MARCHF3: variants seen among roughly 807,000 people sequenced by gnomAD.
The protein encoded by MARCHF3 is E3 ubiquitin-protein ligase MARCHF3.
MARCHF3 carries 13 observed loss-of-function variants against 24.2 expected under a neutral mutation model. The observed-to-expected ratio is 0.54, with a 90% confidence interval of 0.35 to 0.85. The LOEUF is 0.85. Among genes scored for constraint, MARCHF3 ranks in the 40% least tolerant of loss-of-function variants. The pLI is 0.01. For synonymous variants in MARCHF3, 144 were observed against 137.3 expected (o/e 1.05, Z -0.34); for missense variants, 276 against 325.0 (o/e 0.85, Z 1.16).
chr5:126,934,519 G>C (rs1405094177), intron 1 of MARCHF3, among the ~76,000 whole-genome samples: 4 of 151,772 alleles, frequency 2.6e-5, no homozygotes, highest in African/African-American at 7.3e-5. Context: ...GGTTATTTAG[G>C]AAAATTAAGA....
intron 3 of MARCHF3, among the ~76,000 whole-genome samples, chr5:126,895,864 T>A (rs1753872657): frequency 6.6e-6 from 1 of 152,154 alleles, no homozygotes; most frequent in Non-Finnish European, 1.5e-5. Flanking sequence ...CGGGCTGCTT[T>A]GTTTACCTAA....
chr5:127,027,447 T>C (rs1753037285), intron 1 of MARCHF3, among the ~76,000 whole-genome samples: 1 of 152,140 alleles, frequency 6.6e-6, no homozygotes, highest in Non-Finnish European at 1.5e-5. Context: ...AAGATAAGGA[T>C]TCTACCTTGC....
intron 1 of MARCHF3, among the ~76,000 whole-genome samples, chr5:126,953,899 C>T (rs1297170072): frequency 7.9e-5 from 12 of 152,096 alleles, no homozygotes; most frequent in Admixed American, 3.9e-4. Flanking sequence ...ACCTTTTTAT[C>T]TTTTCGTTCA....
intron 1 of MARCHF3, among the ~76,000 whole-genome samples, chr5:126,972,360 GT>G (rs1173420730): frequency 6.6e-6 from 1 of 152,108 alleles, no homozygotes; most frequent in Non-Finnish European, 1.5e-5. Flanking sequence ...ATGGCAAGAG[GT>G]AGGGGCAAAG....
At chr5:126,872,775 A>G (rs1426110839) in intron 4 of MARCHF3, among the ~76,000 whole-genome samples, 1 of 152,188 alleles carries the variant, frequency 6.6e-6, no homozygotes, top group Non-Finnish European at 1.5e-5. Context: ...AGGGTTGAGT[A>G]TGAAAATATA....
intron 1 of MARCHF3, among the ~76,000 whole-genome samples, chr5:127,009,205 T>C (rs868659900): frequency 8.5e-5 from 13 of 152,322 alleles, no homozygotes; most frequent in Middle Eastern, 3.4e-3. Context: ...GTAACCAGAA[T>C]CCTTCCCAAA....
intron 3 of MARCHF3, among the ~76,000 whole-genome samples, chr5:126,885,205 G>A (rs1056535281): frequency 6.6e-6 from 1 of 152,096 alleles, no homozygotes; most frequent in Admixed American, 6.6e-5. Flanking sequence ...CTTCAACTTT[G>A]TTTATTTTTG....
At chr5:126,998,685 G>A (rs1752026101) in intron 1 of MARCHF3, among the ~76,000 whole-genome samples, 1 of 152,122 alleles carries the variant, frequency 6.6e-6, no homozygotes, top group Admixed American at 6.5e-5. Context: ...TCCTTCCCAG[G>A]TAGCCCACAG....
At chr5:127,020,699 A>C (rs1752771907) in intron 1 of MARCHF3, among the ~76,000 whole-genome samples, 1 of 152,008 alleles carries the variant, frequency 6.6e-6, no homozygotes, top group Non-Finnish European at 1.5e-5. Flanking sequence ...AAAAATGGAG[A>C]AATTAGCTGG....
intron 1 of MARCHF3, among the ~76,000 whole-genome samples, chr5:127,000,441 A>G (rs1580721916): frequency 6.6e-6 from 1 of 152,168 alleles, no homozygotes; most frequent in Non-Finnish European, 1.5e-5. Flanking sequence ...AGGTCCCTCT[A>G]TGATCCCTTA....
rs775509786 is a variant in MARCHF3, at chr5:126,918,046, C to A, written c.126G>T (p.Met42Ile). 6.2e-7 allele frequency: 1 copy of A among 1,614,186 alleles called. No individual in the cohort carries two copies. The highest frequency in any genetic ancestry group is 1.1e-5 in the South Asian group (1 of 91,090). Residue 42 changes from methionine (M) to isoleucine (I), a missense_variant, in exon 2 of 5, where the codon ATG becomes ATT. Transcript: ENST00000308660. ...SLVNGQPQYV[M>I]QVSAKDGQLL... Reference sequence around the variant, plus strand: ...GCTGCCCGTCCTTGGCTGAAACTTGCATGACATACTGCGGCTGCCCATTCA... The same window carrying A: ...GCTGCCCGTCCTTGGCTGAAACTTGAATGACATACTGCGGCTGCCCATTCA...
intron 1 of MARCHF3, among the ~76,000 whole-genome samples, chr5:126,921,699 TTC>T (rs1276521755): frequency 1.3e-5 from 2 of 152,244 alleles, no homozygotes; most frequent in East Asian, 3.8e-4. Flanking sequence ...TACCCAAGAA[TTC>T]TCTCAGGGAG....
chr5:126,916,779 G>A (rs1748870540), intron 2 of MARCHF3, among the ~76,000 whole-genome samples: 1 of 150,044 alleles, frequency 6.7e-6, no homozygotes, highest in South Asian at 2.1e-4. Flanking sequence ...TGCTCTTCCT[G>A]GTCAAGTGAG....
rs543784744 is a variant in MARCHF3 at position 126,894,475 on chromosome 5, C to A, written c.394-16081G>T. Among the ~76,000 whole-genome samples, 240 of 151,416 alleles carry A rather than the reference C, an allele frequency of 1.6e-3. 1 individual carries two copies. Among genetic ancestry groups the A allele is most frequent in the Middle Eastern group, 0.014 (4 of 292 alleles). ...GCTTCCTTCAGGAGCTCTTTTAGGG[C>A]AGGCCTGGTGGTGACAAAATCTCTC... is the stretch of plus-strand genomic sequence containing the variant. On this transcript the variant is annotated intron_variant, in intron 3 of 4. Coordinates refer to ENST00000308660, the MANE Select transcript of MARCHF3 (RefSeq NM_178450.5).
At chr5:126,977,007 G>A (rs559860518) in intron 1 of MARCHF3, among the ~76,000 whole-genome samples, 7 of 152,232 alleles carry the variant, frequency 4.6e-5, no homozygotes, top group Admixed American at 3.9e-4. Context: ...TTAATGCCCT[G>A]CTATCAGGCC....
At chr5:126,966,011 G>A (rs188509322) in intron 1 of MARCHF3, among the ~76,000 whole-genome samples, 1 of 152,284 alleles carries the variant, frequency 6.6e-6, no homozygotes, top group Admixed American at 6.5e-5. Context: ...TAATAAAATG[G>A]AATGAACTAC....
chr5:126,972,503 T>C (rs1356089713), intron 1 of MARCHF3, among the ~76,000 whole-genome samples: 1 of 152,170 alleles, frequency 6.6e-6, no homozygotes, highest in Non-Finnish European at 1.5e-5. Flanking sequence ...ATTAACAAGA[T>C]ATGATCTTTC....
At chr5:126,992,881 C>G (rs565390400) in intron 1 of MARCHF3, among the ~76,000 whole-genome samples, 1 of 150,684 alleles carries the variant, frequency 6.6e-6, no homozygotes, top group South Asian at 2.1e-4. Flanking sequence ...ACGCCATTCT[C>G]CTGCCTCAGC....
intron 1 of MARCHF3, among the ~76,000 whole-genome samples, chr5:126,942,058 C>G (rs1749846293): frequency 6.6e-6 from 1 of 152,130 alleles, no homozygotes; most frequent in Admixed American, 6.5e-5. Flanking sequence ...TGAAAAGAAG[C>G]CTTCTTGAGC....
Sources: allele counts gnomAD v4.1 joint callset (sites outside exome capture counted in the v4.1 genomes callset), GRCh38; gene constraint gnomAD v4.1.1; transcripts MANE v1.5; gene names NCBI Gene and HGNC (gene_info 2026-07-23, HGNC 2026-07-21).